NMNAT3: variants seen among roughly 807,000 people sequenced by gnomAD.
The protein encoded by NMNAT3 is nicotinamide nucleotide adenylyltransferase 3.
NMNAT3 carries 21 observed loss-of-function variants against 24.8 expected under a neutral mutation model. The observed-to-expected ratio is 0.85, with a 90% confidence interval of 0.60 to 1.22. NMNAT3 has a LOEUF of 1.22. Among genes scored for constraint, NMNAT3 ranks in the 50% most tolerant of loss-of-function variants. The pLI is 0.00. For synonymous variants in NMNAT3, 136 were observed against 155.2 expected, an observed-to-expected ratio of 0.88 and a Z score of 0.92; for missense variants, 387 against 436.6, an observed-to-expected ratio of 0.89 and a Z score of 1.01.
At chr3:139,629,412 A>G (rs1417068069) in intron 2 of NMNAT3, among the ~76,000 whole-genome samples, 1 of 152,252 alleles carries the variant, frequency 6.6e-6, no homozygotes, top group Non-Finnish European at 1.5e-5. Context: ...GTTAAATTAT[A>G]TCTGAATTCA....
intron 2 of NMNAT3, chr3:139,636,660 G>A (rs933414578): frequency 1.3e-5 from 2 of 152,302 alleles, no homozygotes; most frequent in East Asian, 3.9e-4. Flanking sequence ...TCGAAATTGA[G>A]TTACTCAATT....
intron 3 of NMNAT3, among the ~76,000 whole-genome samples, chr3:139,618,795 C>T (rs1278479373): frequency 6.6e-6 from 1 of 152,122 alleles, no homozygotes; most frequent in Non-Finnish European, 1.5e-5. Context: ...TGGCTCGGTG[C>T]ACAGATCAGC....
At chr3:139,620,320 C>A (rs1291812880) in intron 3 of NMNAT3, among the ~76,000 whole-genome samples, 1 of 151,786 alleles carries the variant, frequency 6.6e-6, no homozygotes, top group African/African-American at 2.4e-5. Context: ...CCCCTGAAAC[C>A]CACACCACAA....
intron 6 of NMNAT3, among the ~76,000 whole-genome samples, chr3:139,564,598 C>G (rs1338404568): frequency 6.6e-6 from 1 of 152,192 alleles, no homozygotes; most frequent in African/African-American, 2.4e-5. Flanking sequence ...TGGGTGAGCC[C>G]AAGGAGGCCT....
At chr3:139,596,910 A>ATGTGTG (rs201904484) in intron 3 of NMNAT3, among the ~76,000 whole-genome samples, 3 of 51,660 alleles carry the variant, frequency 5.8e-5, no homozygotes, top group African/African-American at 1.7e-4. Flanking sequence ...TATTTTTGTC[A>ATGTGTG]TGTGTGTATA....
At chr3:139,664,418 G>T (rs921856052) in intron 1 of NMNAT3, among the ~76,000 whole-genome samples, 2 of 152,164 alleles carry the variant, frequency 1.3e-5, no homozygotes, top group Non-Finnish European at 2.9e-5. Context: ...GAGTGGTCCA[G>T]GAGCTATGAT....
chr3:139,673,990 G>C (rs1390170553), intron 1 of NMNAT3, among the ~76,000 whole-genome samples: 1 of 152,118 alleles, frequency 6.6e-6, no homozygotes, highest in African/African-American at 2.4e-5. Context: ...AACAGAGTGT[G>C]CCTCTGCCGC....
chr3:139,599,121 TA>T (rs1169572798), intron 3 of NMNAT3: 1 of 563,870 alleles, frequency 1.8e-6, no homozygotes, highest in Non-Finnish European at 3.1e-6. Context: ...TTCCAAACTG[TA>T]AAGACTTCAT....
In NMNAT3 at chr3:139,561,112, A is replaced by C; in HGVS notation, c.939T>G (p.Ile313Met). The change falls in exon 7 of 7, where the codon ATT becomes ATG. Residue 313 changes from isoleucine to methionine, a missense_variant. Physicochemically the swap from Ile to Met is conservative, Grantham distance 10 (BLOSUM62 1). Transcript: ENST00000643695. ...TGATGTACGTGATGACAGCATCGGG[A>C]ATCAGGTACTTTACGCTCTGCCCTT... 6.2e-7 allele frequency: 1 copy of C among 1,614,062 alleles called. No homozygotes were observed. The highest frequency in any genetic ancestry group is 8.5e-7 in the Non-Finnish European group (1 of 1,180,006).
At chr3:139,619,788 A>G (rs561376487) in intron 3 of NMNAT3, among the ~76,000 whole-genome samples, 1 of 152,326 alleles carries the variant, frequency 6.6e-6, no homozygotes, top group Admixed American at 6.5e-5. Context: ...ATACCCTCAA[A>G]ATAACTTTAA....
intron 6 of NMNAT3, chr3:139,565,815 A>G (rs1027462899): frequency 1.5e-4 from 23 of 152,224 alleles, no homozygotes; most frequent in Non-Finnish European, 1.3e-4. Context: ...TAGTGCTGCA[A>G]TAAACATACG....
intron 3 of NMNAT3, among the ~76,000 whole-genome samples, chr3:139,621,014 C>T (rs1307284691): frequency 6.6e-6 from 1 of 152,112 alleles, no homozygotes; most frequent in Non-Finnish European, 1.5e-5. Context: ...CCAGGTTGGG[C>T]TCAAGCCATC....
At chr3:139,657,527 G>C (rs1256402067) in intron 1 of NMNAT3, among the ~76,000 whole-genome samples, 1 of 152,146 alleles carries the variant, frequency 6.6e-6, no homozygotes, top group Non-Finnish European at 1.5e-5. Context: ...TGCTGTGGCT[G>C]TTGCTGGTAT....
intron 3 of NMNAT3, among the ~76,000 whole-genome samples, chr3:139,618,779 G>A (rs954443654): frequency 1.9e-4 from 29 of 152,176 alleles, no homozygotes; most frequent in African/African-American, 6.8e-4. Context: ...AAGATGGTTC[G>A]GGTTATGGCT....
At chr3:139,568,216 T>C (rs1199337790) in intron 6 of NMNAT3, 2 of 152,180 alleles carry the variant, frequency 1.3e-5, no homozygotes, top group African/African-American at 4.8e-5. Context: ...ATTGCGTCTA[T>C]TTGATTCTTC....
At chr3:139,581,556 C>T (rs2053616065) in intron 4 of NMNAT3, among the ~76,000 whole-genome samples, 1 of 151,894 alleles carries the variant, frequency 6.6e-6, no homozygotes, top group African/African-American at 2.4e-5. Flanking sequence ...AAATGAGTGT[C>T]AAGTTATTTA....
intron 4 of NMNAT3, chr3:139,582,890 G>A: frequency 7.8e-7 from 1 of 1,285,120 alleles, no homozygotes; most frequent in Admixed American, 2.7e-5. Flanking sequence ...AAGTTGGAGG[G>A]AGGAGCAGTC....
intron 3 of NMNAT3, among the ~76,000 whole-genome samples, chr3:139,615,914 C>G (rs1366342308): frequency 2.0e-5 from 3 of 152,162 alleles, no homozygotes; most frequent in African/African-American, 4.8e-5. Context: ...CTGGACAGGG[C>G]ATGTATGCTC....
At chr3:139,622,484 C>A (rs1402878041) in intron 3 of NMNAT3, among the ~76,000 whole-genome samples, 1 of 151,546 alleles carries the variant, frequency 6.6e-6, no homozygotes, top group Non-Finnish European at 1.5e-5. Flanking sequence ...CCTTTAATCC[C>A]AGCACTTTGG....
Sources: gnomAD v4.1 joint callset for allele counts (sites outside exome capture counted in the v4.1 genomes callset) on GRCh38, gnomAD v4.1.1 for gene constraint, MANE v1.5 for transcripts, NCBI Gene and HGNC (gene_info 2026-07-23, HGNC 2026-07-21) for gene names.